AIG1: variants seen among roughly 807,000 people sequenced by gnomAD.
The protein encoded by AIG1 is androgen induced 1, also known as androgen-induced gene 1 protein.
AIG1 carries 23 observed loss-of-function variants against 31.4 expected under a neutral mutation model. That is an observed-to-expected ratio of 0.73 (90% confidence interval 0.53 to 1.04). The LOEUF (loss-of-function observed/expected upper bound fraction) is 1.04. Ranked by LOEUF, AIG1 falls within the 50% of genes least tolerant of loss-of-function variation. The probability of loss-of-function intolerance (pLI) is 0.00; values close to 1 mark genes in which losing one functional copy is unlikely to be tolerated. For missense variants in AIG1, 274 were observed against 295.0 expected (o/e 0.93, Z 0.52); for synonymous variants, 100 against 110.5 (o/e 0.90, Z 0.60).
At chr6:143,069,611 T>C (rs1219697790) in intron 1 of AIG1, among the ~76,000 whole-genome samples, 1 of 152,234 alleles carries the variant, frequency 6.6e-6, no homozygotes, top group Non-Finnish European at 1.5e-5. Flanking sequence ...CTTTTAATAA[T>C]ATATTCATGT....
chr6:143,110,113 G>T (rs575044923), intron 1 of AIG1, among the ~76,000 whole-genome samples: 1 of 152,132 alleles, frequency 6.6e-6, no homozygotes, highest in Non-Finnish European at 1.5e-5. Context: ...CCCAGTGGCA[G>T]CTTTGCCCTA....
At chr6:143,244,413 G>A (rs952934071) in intron 3 of AIG1, among the ~76,000 whole-genome samples, 1 of 152,182 alleles carries the variant, frequency 6.6e-6, no homozygotes, top group Non-Finnish European at 1.5e-5. Flanking sequence ...GATGTTAAGG[G>A]TTTTTCTTGC....
In AIG1 at chr6:143,326,412, C is replaced by T. The variant is rs1776618930; in HGVS notation, c.516-6870C>T. ...TTTACTCAATGAATTCTTATCCTTT[C>T]TATCACAGTTTAAATGCTACTTTAT... On this transcript the variant is annotated intron_variant, in intron 4 of 5. Coordinates refer to ENST00000357847, the MANE Select transcript of AIG1 (RefSeq NM_016108.4). The surrounding 1 kb of genome is among the most constrained non-coding windows in gnomAD (Gnocchi z 4.5). Among the ~76,000 whole-genome samples the T allele has an allele frequency of 6.6e-6, 1 of 152,138 alleles. No individual in the cohort carries two copies. The highest frequency in any genetic ancestry group is 3.2e-3 in the Middle Eastern group (1 of 316).
At chr6:143,178,424 C>T (rs1375224374) in intron 3 of AIG1, among the ~76,000 whole-genome samples, 1 of 152,202 alleles carries the variant, frequency 6.6e-6, no homozygotes, top group East Asian at 1.9e-4. Context: ...AATGCAATCA[C>T]ATGGTTTCCA....
chr6:143,084,744 C>T (rs1778606112), intron 1 of AIG1, among the ~76,000 whole-genome samples: 1 of 152,126 alleles, frequency 6.6e-6, no homozygotes, highest in Admixed American at 6.5e-5. Context: ...CTTCCTTTCC[C>T]TGTGTTATAG....
At chr6:143,159,890 A>T (rs2876549) in intron 2 of AIG1, among the ~76,000 whole-genome samples, 87,017 of 152,014 alleles carry the variant, frequency 0.57, 25,746 homozygotes, top group African/African-American at 0.71. Context: ...AGAAATCACA[A>T]TGGAAATATT....
chr6:143,290,070 C>T (rs144038820), intron 4 of AIG1, among the ~76,000 whole-genome samples: 36 of 152,042 alleles, frequency 2.4e-4, no homozygotes, highest in East Asian at 1.9e-3. Flanking sequence ...ATTGGAGAAC[C>T]GAGTCCAAGA....
intron 3 of AIG1, among the ~76,000 whole-genome samples, chr6:143,266,777 C>G (rs1796186843): frequency 6.6e-6 from 1 of 151,746 alleles, no homozygotes; most frequent in South Asian, 2.1e-4. Context: ...GACCTCATCT[C>G]TACAAAAAAT....
At chr6:143,313,430 G>A (rs536522470) in intron 4 of AIG1, among the ~76,000 whole-genome samples, 138 of 152,244 alleles carry the variant, frequency 9.1e-4, no homozygotes, top group African/African-American at 2.9e-3. Context: ...AGGTCATTAC[G>A]TTAAGTGAAA....
intron 3 of AIG1, among the ~76,000 whole-genome samples, chr6:143,242,305 T>C (rs886699738): frequency 6.6e-6 from 1 of 152,200 alleles, no homozygotes; most frequent in Admixed American, 6.5e-5. Flanking sequence ...CCCAAGCCAC[T>C]ATATTTCATG....
intron 1 of AIG1, among the ~76,000 whole-genome samples, chr6:143,132,604 T>C (rs1391499378): frequency 6.6e-6 from 1 of 152,066 alleles, no homozygotes; most frequent in Non-Finnish European, 1.5e-5. Context: ...TGTGGGTTTA[T>C]AGTTTTCAGA....
chr6:143,177,877 G>A (rs948973785), intron 3 of AIG1, among the ~76,000 whole-genome samples: 6 of 152,224 alleles, frequency 3.9e-5, no homozygotes, highest in East Asian at 3.9e-4. Context: ...GGCTGGGGTC[G>A]CCAGTGGTGG....
At chr6:143,078,414 C>G (rs1379442585) in intron 1 of AIG1, among the ~76,000 whole-genome samples, 1 of 152,040 alleles carries the variant, frequency 6.6e-6, no homozygotes, top group Non-Finnish European at 1.5e-5. Flanking sequence ...TTTCCTGGCT[C>G]TTTGTATGTC....
intron 3 of AIG1, among the ~76,000 whole-genome samples, chr6:143,175,023 G>A (rs1400125811): frequency 6.6e-6 from 1 of 152,150 alleles, no homozygotes; most frequent in African/African-American, 2.4e-5. Flanking sequence ...GATTCTCTCA[G>A]CATTTGTTTG....
intron 3 of AIG1, among the ~76,000 whole-genome samples, chr6:143,221,434 C>T (rs943385733): frequency 6.6e-6 from 1 of 151,648 alleles, no homozygotes; most frequent in African/African-American, 2.4e-5. Context: ...ACTGTGGTCT[C>T]TGTGGTCTTT....
intron 3 of AIG1, among the ~76,000 whole-genome samples, chr6:143,275,777 C>T (rs992124902): frequency 6.6e-6 from 1 of 152,172 alleles, no homozygotes; most frequent in African/African-American, 2.4e-5. Flanking sequence ...CTGCATACAG[C>T]TCATCATAGT....
chr6:143,082,766 G>T (rs1034665184), intron 1 of AIG1, among the ~76,000 whole-genome samples: 1 of 152,254 alleles, frequency 6.6e-6, no homozygotes, highest in Non-Finnish European at 1.5e-5. Flanking sequence ...TTGCAAGCTG[G>T]TCCTTCGGAC....
At chr6:143,099,940 C>A (rs958996070) in intron 1 of AIG1, among the ~76,000 whole-genome samples, 1 of 152,198 alleles carries the variant, frequency 6.6e-6, no homozygotes, top group Non-Finnish European at 1.5e-5. Flanking sequence ...AACCTAAACA[C>A]AAGGGTCAAT....
chr6:143,171,422 A>T (rs1388411868), intron 3 of AIG1, among the ~76,000 whole-genome samples: 65 of 106,568 alleles, frequency 6.1e-4, no homozygotes, highest in Admixed American at 8.6e-4. Flanking sequence ...ATATATATAT[A>T]ATATATATAA....
Sources: gnomAD v4.1 joint callset for allele counts (sites outside exome capture counted in the v4.1 genomes callset) on GRCh38, gnomAD v4.1.1 for gene constraint, Gnocchi (gnomAD v3.1) non-coding constraint, MANE v1.5 for transcripts, NCBI Gene and HGNC (gene_info 2026-07-23, HGNC 2026-07-21) for gene names.